The following MBNL1 variants were observed in gnomAD, a reference collection of about 807,000 sequenced individuals.
MBNL1 encodes the protein muscleblind-like protein 1.
A neutral mutation model predicts 42.2 loss-of-function variants in MBNL1; 8 were observed. The ratio of observed to expected loss-of-function variants is 0.19; its 90% CI spans 0.11 to 0.34. The LOEUF is 0.34. MBNL1 is among the 10% of genes least tolerant of loss of function. The pLI is 1.00. For missense variants in MBNL1, 309 were observed against 495.3 expected, an observed-to-expected ratio of 0.62 and a Z score of 3.57; for synonymous variants, 169 against 173.9, an observed-to-expected ratio of 0.97 and a Z score of 0.22.
chr3:152,329,001 A>G (rs1322523396), intron 2 of MBNL1, among the ~76,000 whole-genome samples: 1 of 152,188 alleles, frequency 6.6e-6, no homozygotes, highest in African/African-American at 2.4e-5. Flanking sequence ...AAAAGTAAAC[A>G]TTATGCAACA....
chr3:152,368,386 C>A (rs1382448506), intron 2 of MBNL1, among the ~76,000 whole-genome samples: 1 of 152,166 alleles, frequency 6.6e-6, no homozygotes, highest in African/African-American at 2.4e-5. Flanking sequence ...GTTTTGCTAG[C>A]AGTACCATGC....
rs190592486 is a variant in MBNL1, at chr3:152,284,303, A to G, written c.-789-15102A>G. ...ACTCCTGTAATTTTTCTCAAAGGAA[A>G]TATTTTGAGACAGCAGAACCAAGAT... On this transcript the variant is annotated intron_variant, in intron 1 of 9. Transcript: ENST00000324210. Among the ~76,000 whole-genome samples, 48 of 152,260 alleles carry G rather than the reference A, an allele frequency of 3.2e-4. No homozygotes were observed. In the East Asian group the frequency reaches 8.9e-3, roughly 28 times the overall value.
intron 2 of MBNL1, among the ~76,000 whole-genome samples, chr3:152,400,919 A>T (rs1434862308): frequency 6.6e-6 from 1 of 152,226 alleles, no homozygotes; most frequent in Non-Finnish European, 1.5e-5. Context: ...GAGAATGTGT[A>T]TTAGTATATG....
intron 2 of MBNL1, among the ~76,000 whole-genome samples, chr3:152,374,858 T>A (rs1347063595): frequency 6.6e-6 from 1 of 152,204 alleles, no homozygotes; most frequent in Non-Finnish European, 1.5e-5. Flanking sequence ...GAAATGGAAG[T>A]AATTATTTTT....
chr3:152,298,013 G>A (rs1386090256), intron 1 of MBNL1, among the ~76,000 whole-genome samples: 1 of 152,036 alleles, frequency 6.6e-6, no homozygotes, highest in Non-Finnish European at 1.5e-5. Context: ...AAATAGTTTT[G>A]GAAAGTAGTT....
chr3:152,278,529 G>A (rs935795160), intron 1 of MBNL1, among the ~76,000 whole-genome samples: 1 of 152,068 alleles, frequency 6.6e-6, no homozygotes, highest in African/African-American at 2.4e-5. Flanking sequence ...AATGCTTTCT[G>A]GGGGACCACA....
intron 2 of MBNL1, among the ~76,000 whole-genome samples, chr3:152,413,958 T>C (rs1372448319): frequency 6.6e-6 from 1 of 151,656 alleles, no homozygotes; most frequent in Non-Finnish European, 1.5e-5. Flanking sequence ...TAGTAACTTC[T>C]TTTTTTTGAG....
At chr3:152,290,763 C>G (rs182795715) in intron 1 of MBNL1, among the ~76,000 whole-genome samples, 1 of 152,192 alleles carries the variant, frequency 6.6e-6, no homozygotes, top group East Asian at 1.9e-4. Context: ...AAATAATACT[C>G]ATTTAAGTAA....
rs1052685526 is a variant in MBNL1, at chr3:152,340,380, G to A, written c.174+40013G>A. 1.9e-5 allele frequency: 17 copies of A among 890,886 alleles called. No individual in the cohort carries two copies. In the African/African-American group the frequency reaches 2.7e-4, roughly 14 times the overall value. The allele number at this position is 890,886 out of a possible 1,614,324, so 55.2% of individuals were successfully genotyped here. ...TAGTAATCTCTTGTGGTGTATACTT[G>A]CCACCTCTGTAAGATTGTAATGACA... On this transcript the variant is annotated intron_variant, in intron 2 of 9. Coordinates refer to ENST00000324210, the MANE Select transcript of MBNL1 (RefSeq NM_021038.5).
intron 2 of MBNL1, among the ~76,000 whole-genome samples, chr3:152,386,392 T>C (rs1399779412): frequency 6.6e-6 from 1 of 152,064 alleles, no homozygotes; most frequent in East Asian, 1.9e-4. Context: ...CTGTTCATAT[T>C]TTTCATAGAA....
intron 2 of MBNL1, among the ~76,000 whole-genome samples, chr3:152,406,180 G>A (rs566169853): frequency 1.2e-4 from 19 of 152,240 alleles, no homozygotes; most frequent in Non-Finnish European, 2.5e-4. Flanking sequence ...GCAGACAATA[G>A]GTGCAGTTAA....
intron 2 of MBNL1, among the ~76,000 whole-genome samples, chr3:152,395,004 A>G (rs1448667892): frequency 6.6e-6 from 1 of 151,972 alleles, no homozygotes; most frequent in Non-Finnish European, 1.5e-5. Flanking sequence ...GACCACAAAC[A>G]TGCACCACCA....
chr3:152,448,122 T>C lies in MBNL1; in HGVS notation c.961+349T>C, dbSNP rs150596955. 3.3e-3 allele frequency among the ~76,000 whole-genome samples: 508 copies of C among 152,328 alleles called. 5 individuals carry two copies. Among genetic ancestry groups the C allele is most frequent in the Middle Eastern group, 0.014 (4 of 294 alleles). ...TTGCTGTAAGACCCCTTTGCCTTCA[T>C]TATTCCATAGAGTTAATTTAAATTA... On this transcript the variant is annotated intron_variant, in intron 6 of 9. Transcript: ENST00000324210.
chr3:152,323,845 G>A (rs868745849), intron 2 of MBNL1, among the ~76,000 whole-genome samples: 3 of 152,124 alleles, frequency 2.0e-5, no homozygotes, highest in Admixed American at 1.3e-4. Context: ...TGACTGAAGC[G>A]TTGTTATACA....
chr3:152,396,250 AT>A (rs1022601900), intron 2 of MBNL1: 3 of 258,882 alleles, frequency 1.2e-5, no homozygotes, highest in Non-Finnish European at 2.3e-5. Context: ...ATTTTATTAT[AT>A]ATTACAATGT....
chr3:152,342,360 C>T (rs1043539404), intron 2 of MBNL1, among the ~76,000 whole-genome samples: 4 of 152,134 alleles, frequency 2.6e-5, no homozygotes, highest in African/African-American at 9.7e-5. Context: ...ATAATATTGT[C>T]TCCTTCTCAG....
At chr3:152,443,614 T>A (rs953365376) in intron 4 of MBNL1, among the ~76,000 whole-genome samples, 3 of 152,018 alleles carry the variant, frequency 2.0e-5, no homozygotes, top group African/African-American at 7.2e-5. Context: ...TTTAGCAAGC[T>A]CCATAGCTGA....
chr3:152,439,635 A>G (rs1371857792), intron 4 of MBNL1, among the ~76,000 whole-genome samples: 2 of 152,190 alleles, frequency 1.3e-5, no homozygotes, highest in African/African-American at 4.8e-5. Context: ...TTAATACACT[A>G]TGGCTCTGTC....
At chr3:152,379,625 T>C (rs1279088369) in intron 2 of MBNL1, among the ~76,000 whole-genome samples, 1 of 152,196 alleles carries the variant, frequency 6.6e-6, no homozygotes, top group Admixed American at 6.5e-5. Flanking sequence ...ATGTTTTTGT[T>C]TGGCATTACA....
Sources: gnomAD v4.1 joint callset for allele counts (sites outside exome capture counted in the v4.1 genomes callset) on GRCh38, gnomAD v4.1.1 for gene constraint, MANE v1.5 for transcripts, NCBI Gene and HGNC (gene_info 2026-07-23, HGNC 2026-07-21) for gene names.